BMPR2: variants seen among roughly 807,000 people sequenced by gnomAD.
BMPR2 encodes the protein bone morphogenetic protein receptor type-2.
BMPR2 carries 29 observed loss-of-function variants against 100.8 expected under a neutral mutation model. The observed-to-expected ratio is 0.29, with a 90% CI of 0.21 to 0.39. The LOEUF is 0.39. BMPR2 is among the 10% of genes least tolerant of loss of function. The pLI is 1.00. For missense variants in BMPR2, 1,011 were observed against 1,274.5 expected (o/e 0.79, Z 3.15); for synonymous variants, 382 against 442.3 (o/e 0.86, Z 1.71).
At chr2:202,538,630 A>G (rs1174020804) in intron 9 of BMPR2, among the ~76,000 whole-genome samples, 1 of 151,916 alleles carries the variant, frequency 6.6e-6, no homozygotes, top group Non-Finnish European at 1.5e-5. Context: ...CAACTGTACT[A>G]AAAGTACAAA....
chr2:202,496,678 T>C (rs1355592159), intron 3 of BMPR2, among the ~76,000 whole-genome samples: 1 of 152,258 alleles, frequency 6.6e-6, no homozygotes, highest in Non-Finnish European at 1.5e-5. Flanking sequence ...TACAATCTTA[T>C]ACTTAGGTGC....
chr2:202,502,293 A>C (rs984132630), intron 3 of BMPR2, among the ~76,000 whole-genome samples: 1 of 152,056 alleles, frequency 6.6e-6, no homozygotes, highest in Admixed American at 6.5e-5. Flanking sequence ...CAAAGCCATC[A>C]AAATGGGAAG....
chr2:202,457,898 T>C (rs925678676), intron 1 of BMPR2, among the ~76,000 whole-genome samples: 4 of 151,908 alleles, frequency 2.6e-5, no homozygotes, highest in Non-Finnish European at 5.9e-5. Flanking sequence ...CTCGGGTAAT[T>C]CTTGTAGTTT....
intron 7 of BMPR2, among the ~76,000 whole-genome samples, chr2:202,521,263 T>C (rs1687813981): frequency 6.6e-6 from 1 of 152,172 alleles, no homozygotes. Flanking sequence ...ACCTGCTACT[T>C]CAGTTGGAAT....
chr2:202,456,960 TAAC>T (rs1454488480), intron 1 of BMPR2, among the ~76,000 whole-genome samples: 1 of 152,206 alleles, frequency 6.6e-6, no homozygotes, highest in East Asian at 1.9e-4. Context: ...ACTCTCCTAA[TAAC>T]TGTATATAAA....
chr2:202,407,206 G>A (rs776125011), intron 1 of BMPR2, among the ~76,000 whole-genome samples: 3 of 151,944 alleles, frequency 2.0e-5, no homozygotes, highest in African/African-American at 2.4e-5. Flanking sequence ...GCCTCCCAAA[G>A]TGCTGGGATT....
chr2:202,496,445 C>T (rs1308896906), intron 3 of BMPR2, among the ~76,000 whole-genome samples: 1 of 151,956 alleles, frequency 6.6e-6, no homozygotes, highest in East Asian at 1.9e-4. Context: ...CCATTGCACT[C>T]CAGCCTGAGC....
At chr2:202,378,426 CA>C (rs1361143141) in intron 1 of BMPR2, among the ~76,000 whole-genome samples, 2 of 152,088 alleles carry the variant, frequency 1.3e-5, no homozygotes, top group African/African-American at 4.8e-5. Flanking sequence ...TTATGATGGG[CA>C]AATGGATTGT....
Position 202,514,990 on chromosome 2 carries a change from C to G in BMPR2, c.621+11C>G. On this transcript the variant is annotated intron_variant, in intron 5 of 12. Coordinates refer to ENST00000374580, the MANE Select transcript of BMPR2 (RefSeq NM_001204.7). ...CTGAAACTGTTGGAGGTAAGTTTGC[C>G]GTTAGATTATGGACTGTTGTTTCTA... 6.2e-7 allele frequency: 1 copy of G among 1,611,964 alleles called. No individual in the cohort carries two copies. Among genetic ancestry groups the G allele is most frequent in the Non-Finnish European group, 8.5e-7 (1 of 1,178,158 alleles).
At chr2:202,381,524 C>T (rs902396344) in intron 1 of BMPR2, among the ~76,000 whole-genome samples, 1 of 152,098 alleles carries the variant, frequency 6.6e-6, no homozygotes, top group Non-Finnish European at 1.5e-5. Flanking sequence ...ATTGGCTGAC[C>T]GAGTCATATG....
rs1366569043 is a variant in BMPR2, at chr2:202,566,062, G to C, written c.*6116G>C. On this transcript the variant is annotated 3_prime_UTR_variant, in exon 13 of 13. Transcript: ENST00000374580. ...CCCATTTTAAAATCTGGGTAAGAGA[G>C]AAGGAATCTTCAGAACAAAATCACA... 1 of 152,162 alleles carries C rather than the reference G, an allele frequency of 6.6e-6. No homozygotes were observed. The highest frequency in any genetic ancestry group is 2.4e-5 in the African/African-American group (1 of 41,448). 9.4% of individuals were successfully genotyped at this position (152,162 alleles called of 1,614,324 possible).
At chr2:202,479,892 A>T (rs768454407) in intron 3 of BMPR2, among the ~76,000 whole-genome samples, 3 of 152,036 alleles carry the variant, frequency 2.0e-5, no homozygotes, top group Non-Finnish European at 2.9e-5. Context: ...CTTCTTAAAC[A>T]TTGTATATTT....
intron 1 of BMPR2, among the ~76,000 whole-genome samples, chr2:202,388,511 G>C (rs7574989): frequency 6.6e-6 from 1 of 151,222 alleles, no homozygotes; most frequent in Non-Finnish European, 1.5e-5. Context: ...TACGCCGGGT[G>C]CAGTGGCTCA....
At chr2:202,531,022 G>T in intron 8 of BMPR2, 68 bp downstream of exon 8, 1 of 1,583,148 alleles carries the variant, frequency 6.3e-7, no homozygotes, top group Non-Finnish European at 8.6e-7. Context: ...ACATCTACTG[G>T]CCAGGTGTGG....
At chr2:202,435,795 A>G (rs2105935002) in intron 1 of BMPR2, among the ~76,000 whole-genome samples, 1 of 150,472 alleles carries the variant, frequency 6.6e-6, no homozygotes, top group East Asian at 1.9e-4. Context: ...TGTTGCAGCA[A>G]CCTACAGTAT....
intron 1 of BMPR2, among the ~76,000 whole-genome samples, chr2:202,425,526 C>G (rs1159464530): frequency 3.9e-5 from 6 of 152,088 alleles, no homozygotes; most frequent in Non-Finnish European, 8.8e-5. Context: ...ATAGAAAAAT[C>G]TCTGGGCCGA....
At chr2:202,427,086 C>T (rs1009614276) in intron 1 of BMPR2, among the ~76,000 whole-genome samples, 1 of 152,156 alleles carries the variant, frequency 6.6e-6, no homozygotes, top group Non-Finnish European at 1.5e-5. Context: ...CGAGGTGTTT[C>T]ACACCTATAA....
At chr2:202,406,083 C>G (rs1690885719) in intron 1 of BMPR2, among the ~76,000 whole-genome samples, 1 of 152,184 alleles carries the variant, frequency 6.6e-6, no homozygotes, top group Non-Finnish European at 1.5e-5. Context: ...CTACCTTCTG[C>G]TTACTGATGA....
At chr2:202,496,778 C>T (rs533091614) in intron 3 of BMPR2, among the ~76,000 whole-genome samples, 4 of 152,254 alleles carry the variant, frequency 2.6e-5, no homozygotes, top group South Asian at 2.1e-4. Context: ...TCGCTCTCAG[C>T]GCCTCCTCTG....
Sources: allele counts gnomAD v4.1 joint callset (sites outside exome capture counted in the v4.1 genomes callset), GRCh38; gene constraint gnomAD v4.1.1; transcripts MANE v1.5; gene names NCBI Gene and HGNC (gene_info 2026-07-23, HGNC 2026-07-21).